The following ABCA3 variants were observed in gnomAD, a reference collection of about 807,000 sequenced individuals.
ABCA3 encodes the protein ATP binding cassette subfamily A member 3.
ABCA3 carries 88 observed loss-of-function variants against 172.8 expected under a neutral mutation model. The ratio of observed to expected loss-of-function variants is 0.51; its 90% CI spans 0.43 to 0.61. ABCA3 has a LOEUF of 0.61. ABCA3 is among the 20% of genes least tolerant of loss of function. The probability of loss-of-function intolerance (pLI) is 0.00; values close to 1 mark genes in which losing one functional copy is unlikely to be tolerated. For missense variants in ABCA3, 2,164 were observed against 2,301.0 expected, an observed-to-expected ratio of 0.94 and a Z score of 1.22; for synonymous variants, 1,066 against 983.8, an observed-to-expected ratio of 1.08 and a Z score of -1.56.
Position 2,276,306 on chromosome 16 carries a change from T to C in ABCA3, c.*368A>G, listed in dbSNP as rs2093646271. 4.3e-6 allele frequency: 2 copies of C among 469,082 alleles called. No individual in the cohort carries two copies. Among genetic ancestry groups the C allele is most frequent in the African/African-American group, 4.0e-5 (2 of 50,616 alleles). 29.1% of individuals were successfully genotyped at this position (469,082 alleles called of 1,614,324 possible). Reference sequence around the variant, plus strand: ...GGGAGATTAGTGTCGTGTGTAAACTTGGACAAGTCACTGGGTCCTCTCTCC... The same window carrying C: ...GGGAGATTAGTGTCGTGTGTAAACTCGGACAAGTCACTGGGTCCTCTCTCC... On this transcript the variant is annotated 3_prime_UTR_variant, in exon 33 of 33. Transcript: ENST00000301732.
At chr16:2,321,109 G>A (rs975539749) in intron 7 of ABCA3, among the ~76,000 whole-genome samples, 2 of 151,804 alleles carry the variant, frequency 1.3e-5, no homozygotes, top group South Asian at 2.1e-4. Flanking sequence ...TCCAAGCTTA[G>A]GGAATTGTTC....
At chr16:2,289,398 T>C (rs1236842109) in intron 20 of ABCA3, 36 bp downstream of exon 20, 2 of 1,550,952 alleles carry the variant, frequency 1.3e-6, no homozygotes, top group Admixed American at 3.9e-5. Context: ...CTGCTCGCCC[T>C]TCCCCCGCCA....
intron 12 of ABCA3, among the ~76,000 whole-genome samples, chr16:2,301,035 C>T (rs1246162268): frequency 3.3e-5 from 5 of 149,898 alleles, no homozygotes; most frequent in East Asian, 2.0e-4. Context: ...TCGAGACCAT[C>T]CTGGCTAACA....
chr16:2,297,207 G>T lies in ABCA3; in HGVS notation c.2263+122C>A. The T allele has an allele frequency of 1.8e-6, 2 of 1,101,890 alleles. No individual in the cohort carries two copies. The highest frequency in any genetic ancestry group is 2.7e-6 in the Non-Finnish European group (2 of 750,740). The allele number at this position is 1,101,890 out of a possible 1,614,324, so 68.3% of individuals were successfully genotyped here. A position where few individuals can be genotyped will look rare whatever the true frequency, so the allele number is the denominator to read the frequency against. On this transcript the variant is annotated intron_variant, in intron 17 of 32. Coordinates refer to ENST00000301732, the MANE Select transcript of ABCA3 (RefSeq NM_001089.3). The surrounding 1 kb of genome is among the most constrained non-coding windows in gnomAD (Gnocchi z 5.6). The stretch of plus-strand genomic sequence containing the variant: ...TTGGGCTCTCCACCCAGAGGCAACA[G>T]ACAGGAAGTCTAGAAAAGGCCACCC...
At chr16:2,322,309 G>C (rs1287642931) in intron 7 of ABCA3, among the ~76,000 whole-genome samples, 5 of 151,856 alleles carry the variant, frequency 3.3e-5, no homozygotes, top group African/African-American at 9.7e-5. Flanking sequence ...TAGTCTTTCA[G>C]AAACCAGTTA....
rs1005586016 is a variant in ABCA3, at chr16:2,324,434, G to A, written c.417C>T (p.Phe139=). 3.1e-6 allele frequency: 5 copies of A among 1,605,682 alleles called. No individual in the cohort carries two copies. Among genetic ancestry groups the A allele is most frequent in the Non-Finnish European group, 4.2e-6 (5 of 1,178,962 alleles). Residue 139 remains phenylalanine, a synonymous_variant, in exon 6 of 33, where the codon TTC becomes TTT. Transcript: ENST00000301732. ...VLAAVVFEHP[F]NHSKEPLPLA... Reference sequence around the variant, plus strand: ...GCGGCAGGGGCTCCTTGCTGTGGTTGAAGGGGTGCTCGAAGACCACGGCGG... The same window carrying A: ...GCGGCAGGGGCTCCTTGCTGTGGTTAAAGGGGTGCTCGAAGACCACGGCGG...
At position 2,285,704 on chromosome 16, in the gene ABCA3, G is replaced by T; in HGVS notation, c.3279-58C>A. ...ACAGCACGTCTGGGTGGCAGGAGAG[G>T]TCGGGTTCTCGGTTATGACCGCCCA... On this transcript the variant is annotated intron_variant, in intron 22 of 32. Transcript: ENST00000301732. This position sits in a 1 kb window ranked among gnomAD's most constrained non-coding sequence, Gnocchi z 4.7. 11 of 1,532,810 alleles carry T rather than the reference G, an allele frequency of 7.2e-6. No individual in the cohort carries two copies. Among genetic ancestry groups the T allele is most frequent in the Non-Finnish European group, 9.7e-6 (11 of 1,132,378 alleles). 95.0% of individuals were successfully genotyped at this position (1,532,810 alleles called of 1,614,324 possible). A position where few individuals can be genotyped will look rare whatever the true frequency, so the allele number is the denominator to read the frequency against.
In ABCA3 at chr16:2,286,635, C is replaced by T. The variant is rs1360424533; in HGVS notation, c.3278+59G>A. On this transcript the variant is annotated intron_variant, in intron 22 of 32. Coordinates refer to ENST00000301732, the MANE Select transcript of ABCA3 (RefSeq NM_001089.3). This position sits in a 1 kb window ranked among gnomAD's most constrained non-coding sequence, Gnocchi z 5.2. ...CTATCTATGGGCCCGTGGCAGTGCCCAGGGCAGTCAGTCCTGGGGGCTCTG... is the reference window on the plus strand; with the variant it reads ...CTATCTATGGGCCCGTGGCAGTGCCTAGGGCAGTCAGTCCTGGGGGCTCTG... 5.6e-6 allele frequency: 9 copies of T among 1,604,524 alleles called. No homozygotes were observed. Among genetic ancestry groups the T allele is most frequent in the Non-Finnish European group, 7.7e-6 (9 of 1,175,166 alleles).
rs2093650217 is a variant in ABCA3, at chr16:2,278,532, C to T, written c.4548-74G>A. ...TTGGCTCCCATGTCCCAGTGGAGGC[C>T]CGTGTCCCAGCAGCGGCCCACACCC... On this transcript the variant is annotated intron_variant, in intron 29 of 32. Coordinates refer to ENST00000301732, the MANE Select transcript of ABCA3 (RefSeq NM_001089.3). The surrounding 1 kb of genome is among the most constrained non-coding windows in gnomAD (Gnocchi z 4.4). The T allele has an allele frequency of 6.4e-7, 1 of 1,573,270 alleles. No individual in the cohort carries two copies. Among genetic ancestry groups the T allele is most frequent in the African/African-American group, 1.3e-5 (1 of 74,426 alleles).
rs955236969 is a variant in ABCA3, at chr16:2,278,135, T to C, written c.4719-66A>G. ...AAAGGCTTGTGCAGACAGGAAGGCATTGGCTCTCCGATCAGGCTGTTCCTG... is the reference window on the plus strand; with the variant it reads ...AAAGGCTTGTGCAGACAGGAAGGCACTGGCTCTCCGATCAGGCTGTTCCTG... On this transcript the variant is annotated intron_variant, in intron 30 of 32. Transcript: ENST00000301732. The surrounding 1 kb of genome is among the most constrained non-coding windows in gnomAD (Gnocchi z 4.4). 63 of 1,606,802 alleles carry C rather than the reference T, an allele frequency of 3.9e-5. No homozygotes were observed. Among genetic ancestry groups the C allele is most frequent in the Middle Eastern group, 1.7e-4 (1 of 5,942 alleles).
rs749487275 is a variant in ABCA3 at position 2,292,207 on chromosome 16, T to G, written c.2446A>C (p.Lys816Gln). The G allele has an allele frequency of 3.4e-5, 55 of 1,613,832 alleles. No individual in the cohort carries two copies. The highest frequency in any genetic ancestry group is 1.6e-4 in the Middle Eastern group (1 of 6,084). ...CTGGCAATGCCCAGCTCTTTCTGCT[T>G]CTTCTCCAGTTTAGCAAAGAGACCT... ...FEGLFAKLEK[K>Q]QKELGIASFG... is the part of the protein sequence containing the mutation. The change falls in exon 19 of 33, where the codon AAG (lysine) becomes CAG (glutamine). Residue 816 changes from lysine (K) to glutamine (Q), a missense_variant. Physicochemically the swap from Lys to Gln is moderately conservative, Grantham distance 53. This residue lies in a region of ABCA3 where 1,343 missense variants were observed against 1,369.6 expected (regional missense o/e 0.98). Transcript: ENST00000301732.
At chr16:2,282,257 T>C (rs1484913067) in intron 26 of ABCA3, among the ~76,000 whole-genome samples, 1 of 152,188 alleles carries the variant, frequency 6.6e-6, no homozygotes, top group African/African-American at 2.4e-5. Flanking sequence ...CCATCATGCC[T>C]AGCTAATTTT....
chr16:2,301,156 G>A (rs990988873), intron 12 of ABCA3, among the ~76,000 whole-genome samples: 5 of 149,870 alleles, frequency 3.3e-5, no homozygotes, highest in Non-Finnish European at 4.4e-5. Flanking sequence ...GCGTGAACCC[G>A]GGAGGCGGAG....
At chr16:2,319,897 G>A in intron 7 of ABCA3, 57 bp from the exon 8 acceptor site, 7 of 1,607,330 alleles carry the variant, frequency 4.4e-6, no homozygotes, top group Non-Finnish European at 5.1e-6. Flanking sequence ...CTCGAGGGCA[G>A]AGGGCCACGT....
chr16:2,288,637 C>T (rs779447064), intron 20 of ABCA3, among the ~76,000 whole-genome samples: 1 of 152,172 alleles, frequency 6.6e-6, no homozygotes, highest in Non-Finnish European at 1.5e-5. Flanking sequence ...CTCACTGCAA[C>T]CTCCACCTCC....
chr16:2,308,379 G>T, intron 11 of ABCA3, 71 bp downstream of exon 11: 1 of 1,589,970 alleles, frequency 6.3e-7, no homozygotes, highest in Non-Finnish European at 8.6e-7. Context: ...TGCTGCTGGC[G>T]GCTCTTGTGG....
intron 7 of ABCA3, among the ~76,000 whole-genome samples, chr16:2,320,452 C>T (rs1162182773): frequency 1.3e-5 from 2 of 150,348 alleles, no homozygotes; most frequent in African/African-American, 4.9e-5. Flanking sequence ...TGCAGTGGCG[C>T]GATCTCGGCT....
In ABCA3 at chr16:2,286,913, T is replaced by C; in HGVS notation, c.3059A>G (p.Asn1020Ser). Reference protein sequence around the residue: ...FRASVEGGGFNERCLVAASFR... With the variant: ...FRASVEGGGFSERCLVAASFR... ...GGACGCTGCCACAAGGCACCGCTCA[T>C]TAAAGCCGCCCCCCTCCACAGAAGC... The change falls in exon 22 of 33, where the codon AAT becomes AGT. Residue 1020 changes from asparagine to serine, a missense_variant. By Grantham distance (46) the Asn-to-Ser change is conservative (BLOSUM62 1). This residue lies in a region of ABCA3 where 1,343 missense variants were observed against 1,369.6 expected (regional missense o/e 0.98). Transcript: ENST00000301732. The surrounding 1 kb of genome is among the most constrained non-coding windows in gnomAD (Gnocchi z 5.2). The C allele has an allele frequency of 6.2e-7, 1 of 1,614,016 alleles. No homozygotes were observed. The highest frequency in any genetic ancestry group is 8.5e-7 in the Non-Finnish European group (1 of 1,180,010).
rs570729443 is a variant in ABCA3 at position 2,298,743 on chromosome 16, C to T, written c.1742-203G>A. Among the ~76,000 whole-genome samples, 4 of 152,286 alleles carry T rather than the reference C, an allele frequency of 2.6e-5. No homozygotes were observed. The East Asian group carries it at 5.8e-4, about 22-fold the overall frequency. ...AAGCGGCATGGAAACAGCCCTGCCA[C>T]TGGGACGCACAGCTGGTCAGGGAGG... is the stretch of plus-strand genomic sequence containing the variant. On this transcript the variant is annotated intron_variant, in intron 14 of 32. Coordinates refer to ENST00000301732, the MANE Select transcript of ABCA3 (RefSeq NM_001089.3).
Sources: allele counts gnomAD v4.1 joint callset (sites outside exome capture counted in the v4.1 genomes callset), GRCh38; gene constraint gnomAD v4.1.1; regional missense constraint gnomAD v4.1.1; non-coding constraint Gnocchi (gnomAD v3.1); transcripts MANE v1.5; gene names NCBI Gene and HGNC (gene_info 2026-07-23, HGNC 2026-07-21).